The following MYO1E variants were observed in gnomAD, a reference collection of about 807,000 sequenced individuals.
MYO1E encodes myosin IE.
Under a neutral mutation model 151.1 loss-of-function variants are expected in MYO1E, and 68 were observed. The ratio of observed to expected loss-of-function variants is 0.45; its 90% confidence interval spans 0.37 to 0.55. The LOEUF (loss-of-function observed/expected upper bound fraction) is 0.55. Among genes scored for constraint, MYO1E ranks in the 20% least tolerant of loss-of-function variants. MYO1E has a pLI of 0.00. For missense variants in MYO1E, 1,363 were observed against 1,389.3 expected (o/e 0.98, Z 0.30); for synonymous variants, 601 against 501.7 (o/e 1.20, Z -2.64).
chr15:59,363,497 G>A (rs1178550169), intron 1 of MYO1E, among the ~76,000 whole-genome samples: 1 of 152,132 alleles, frequency 6.6e-6, no homozygotes, highest in Non-Finnish European at 1.5e-5. Context: ...GTGAAATAAT[G>A]AAAAAGTATA....
intron 6 of MYO1E, among the ~76,000 whole-genome samples, chr15:59,227,987 C>G (rs541466263): frequency 6.6e-6 from 1 of 152,322 alleles, no homozygotes; most frequent in South Asian, 2.1e-4. Flanking sequence ...AACACTCAAT[C>G]TCTCTTACCT....
At chr15:59,292,625 T>C (rs994111899) in intron 1 of MYO1E, among the ~76,000 whole-genome samples, 8 of 152,230 alleles carry the variant, frequency 5.3e-5, no homozygotes, top group East Asian at 1.9e-4. Flanking sequence ...AAAGGCCCCA[T>C]TGTAAGGGCT....
chr15:59,220,827 ATCCTCGATTCCCAGCACT>A lies in MYO1E; in HGVS notation c.910+2214_910+2231del, dbSNP rs529604502. 6.8e-4 allele frequency among the ~76,000 whole-genome samples: 101 copies of A among 147,916 alleles called. 1 individual carries two copies. The highest frequency in any genetic ancestry group is 2.4e-3 in the African/African-American group (100 of 40,902). ...AAGGACAGCCAGGTGCAGTGGCTCA[ATCCTCGATTCCCAGCACT>A]TCCGGAGGCCAAGGCGGGAGGATGA... On this transcript the variant is annotated intron_variant, in intron 9 of 27. Transcript: ENST00000288235.
intron 1 of MYO1E, among the ~76,000 whole-genome samples, chr15:59,276,666 T>C (rs2080321216): frequency 6.6e-6 from 1 of 152,198 alleles, no homozygotes; most frequent in Admixed American, 6.5e-5. Context: ...CCTGGTTTGT[T>C]GCTAACATTT....
At chr15:59,332,121 T>C (rs1315494460) in intron 1 of MYO1E, among the ~76,000 whole-genome samples, 9 of 152,226 alleles carry the variant, frequency 5.9e-5, no homozygotes, top group African/African-American at 2.2e-4. Context: ...CTTTACCATT[T>C]TGTGTCCTAA....
intron 1 of MYO1E, among the ~76,000 whole-genome samples, chr15:59,286,931 G>A (rs931290260): frequency 2.0e-5 from 3 of 152,038 alleles, no homozygotes; most frequent in African/African-American, 2.4e-5. Context: ...TGAGAGTCCC[G>A]TGGGCACATC....
At chr15:59,176,052 T>TTTG (rs35018814) in intron 19 of MYO1E, among the ~76,000 whole-genome samples, 66,533 of 151,322 alleles carry the variant, frequency 0.44, 17,812 homozygotes, top group Non-Finnish European at 0.61. Context: ...TGATGTGGGT[T>TTTG]TTGTTGTTGT....
At chr15:59,221,556 A>G (rs1220446372) in intron 9 of MYO1E, among the ~76,000 whole-genome samples, 2 of 152,152 alleles carry the variant, frequency 1.3e-5, no homozygotes. Flanking sequence ...TACCAAATGA[A>G]CAAAACCCCA....
At chr15:59,363,044 C>T (rs577616702) in intron 1 of MYO1E, among the ~76,000 whole-genome samples, 2 of 147,538 alleles carry the variant, frequency 1.4e-5, no homozygotes, top group African/African-American at 2.5e-5. Context: ...GGCACGATCT[C>T]GGCTCACTGC....
intron 26 of MYO1E, among the ~76,000 whole-genome samples, chr15:59,148,141 T>C (rs984237648): frequency 6.6e-6 from 1 of 152,164 alleles, no homozygotes; most frequent in Non-Finnish European, 1.5e-5. Flanking sequence ...TTTTCAAAAT[T>C]ATTATATTAG....
At chr15:59,346,685 T>G (rs1315677243) in intron 1 of MYO1E, among the ~76,000 whole-genome samples, 1 of 152,054 alleles carries the variant, frequency 6.6e-6, no homozygotes, top group East Asian at 1.9e-4. Flanking sequence ...CCAGCACTTT[T>G]GGAGGATCAC....
Position 59,140,104 on chromosome 15 carries a change from G to A in MYO1E, c.3081-1737C>T, listed in dbSNP as rs1174349970. On this transcript the variant is annotated intron_variant, in intron 26 of 27. Coordinates refer to ENST00000288235, the MANE Select transcript of MYO1E (RefSeq NM_004998.4). ...TGTGTGTGTATGGGGGTGGGTGCGG[G>A]AGGCTGTCCTATGCCCTGTAGGATC... is the stretch of plus-strand genomic sequence containing the variant. Among the ~76,000 whole-genome samples the A allele has an allele frequency of 4.6e-5, 7 of 152,204 alleles. No individual in the cohort carries two copies. In the South Asian group the frequency reaches 1.5e-3, roughly 32 times the overall value.
At chr15:59,275,841 G>A (rs1352926756) in intron 1 of MYO1E, among the ~76,000 whole-genome samples, 1 of 152,196 alleles carries the variant, frequency 6.6e-6, no homozygotes, top group Non-Finnish European at 1.5e-5. Context: ...CAGGGAAGCT[G>A]AAAAGTTCCC....
intron 1 of MYO1E, among the ~76,000 whole-genome samples, chr15:59,298,375 T>G (rs1344146840): frequency 6.6e-6 from 1 of 152,192 alleles, no homozygotes; most frequent in Non-Finnish European, 1.5e-5. Context: ...GGTTGCCCGA[T>G]AGCTGTGCCC....
intron 1 of MYO1E, among the ~76,000 whole-genome samples, chr15:59,361,696 A>T (rs1207133561): frequency 3.3e-5 from 5 of 152,152 alleles, no homozygotes; most frequent in South Asian, 2.1e-4. Flanking sequence ...ATATCTCATC[A>T]TATTTGCTTT....
At chr15:59,363,419 T>C (rs1435531682) in intron 1 of MYO1E, among the ~76,000 whole-genome samples, 1 of 152,244 alleles carries the variant, frequency 6.6e-6, no homozygotes, top group Non-Finnish European at 1.5e-5. Context: ...TTATCCCCTC[T>C]GGTATTACTG....
intron 16 of MYO1E, among the ~76,000 whole-genome samples, chr15:59,201,839 T>C (rs1294737036): frequency 6.6e-6 from 1 of 152,210 alleles, no homozygotes; most frequent in African/African-American, 2.4e-5. Context: ...TGTGGCTAGA[T>C]GTGTCTTCAA....
chr15:59,245,246 G>A lies in MYO1E; in HGVS notation c.333-8574C>T, dbSNP rs188113348. Among the ~76,000 whole-genome samples, 20 of 152,324 alleles carry A rather than the reference G, an allele frequency of 1.3e-4. No individual in the cohort carries two copies. The East Asian group carries it at 3.9e-3, about 29-fold the overall frequency. On this transcript the variant is annotated intron_variant, in intron 4 of 27. Transcript: ENST00000288235. ...CTTGAGAATCCGGAGACACCTGATG[G>A]TGCCACAGCAAAGAGCACGAGAGAC...
intron 22 of MYO1E, among the ~76,000 whole-genome samples, chr15:59,165,655 A>C (rs2079559465): frequency 6.6e-6 from 1 of 152,118 alleles, no homozygotes; most frequent in South Asian, 2.1e-4. Context: ...CCTCCTACTT[A>C]CCTTTAAAGG....
Sources: allele counts gnomAD v4.1 joint callset (sites outside exome capture counted in the v4.1 genomes callset), GRCh38; gene constraint gnomAD v4.1.1; transcripts MANE v1.5; gene names NCBI Gene and HGNC (gene_info 2026-07-23, HGNC 2026-07-21).